The following ANK2 variants were observed in gnomAD, a reference collection of about 807,000 sequenced individuals.
The protein encoded by ANK2 is ankyrin-2.
A neutral mutation model predicts 360.5 loss-of-function variants in ANK2; 83 were observed. The observed-to-expected ratio is 0.23, with a 90% CI of 0.19 to 0.28. ANK2 has a LOEUF of 0.28. Ranked by LOEUF, ANK2 falls within the 10% of genes least tolerant of loss-of-function variation. The pLI is 1.00. For synonymous variants in ANK2, 1,740 were observed against 1,759.5 expected (o/e 0.99, Z 0.28); for missense variants, 4,201 against 4,795.7 (o/e 0.88, Z 3.66).
At chr4:113,190,279 G>A (rs374791133) in intron 2 of ANK2, among the ~76,000 whole-genome samples, 2 of 151,960 alleles carry the variant, frequency 1.3e-5, no homozygotes, top group African/African-American at 4.8e-5. Context: ...TAATTTTTTA[G>A]TTTTCATTTT....
chr4:112,830,065 G>C (rs564038383), intron 1 of ANK2, among the ~76,000 whole-genome samples: 1 of 152,328 alleles, frequency 6.6e-6, no homozygotes, highest in South Asian at 2.1e-4. Context: ...ATGTAAACTA[G>C]GTCAGCCACT....
chr4:113,042,238 C>T (rs2063138802), intron 2 of ANK2, among the ~76,000 whole-genome samples: 1 of 152,090 alleles, frequency 6.6e-6, no homozygotes, highest in Non-Finnish European at 1.5e-5. Flanking sequence ...GTTTCCAGTT[C>T]TAGGCCTTCA....
At chr4:112,965,026 G>T (rs2036640904) in intron 2 of ANK2, among the ~76,000 whole-genome samples, 1 of 152,166 alleles carries the variant, frequency 6.6e-6, no homozygotes, top group African/African-American at 2.4e-5. Flanking sequence ...CAGCAGTGGG[G>T]TTGCTGGATC....
At chr4:112,959,823 G>C (rs1175996038) in intron 2 of ANK2, among the ~76,000 whole-genome samples, 1 of 152,180 alleles carries the variant, frequency 6.6e-6, no homozygotes, top group African/African-American at 2.4e-5. Context: ...CCAGACACTT[G>C]TTGGGCCCAT....
the ANK2 span, among the ~76,000 whole-genome samples, chr4:112,738,208 G>A: frequency 1.3e-5 from 2 of 152,022 alleles, no homozygotes; most frequent in Non-Finnish European, 2.9e-5. Context: ...TCAGGAGTTC[G>A]AGACCAGCCT....
At chr4:113,076,250 A>G (rs550895459) in intron 1 of ANK2, among the ~76,000 whole-genome samples, 2 of 152,348 alleles carry the variant, frequency 1.3e-5, no homozygotes, top group East Asian at 3.9e-4. Flanking sequence ...ACAGTTTACA[A>G]AATTGTGTTG....
At chr4:112,740,617 T>C in the ANK2 span, among the ~76,000 whole-genome samples, 1 of 151,858 alleles carries the variant, frequency 6.6e-6, no homozygotes, top group Non-Finnish European at 1.5e-5. Flanking sequence ...GGCAGGAGAA[T>C]TGCTTGAACC....
chr4:112,791,373 C>G, the ANK2 span, among the ~76,000 whole-genome samples: 34 of 151,616 alleles, frequency 2.2e-4, no homozygotes, highest in African/African-American at 8.0e-4. Context: ...GGTACATATT[C>G]GTAAAAAGGT....
intron 1 of ANK2, among the ~76,000 whole-genome samples, chr4:113,076,815 A>C (rs576082610): frequency 1.5e-4 from 22 of 151,126 alleles, no homozygotes; most frequent in African/African-American, 4.9e-4. Context: ...AAAAAAAAAA[A>C]CTGAAAAAAT....
At chr4:113,370,029 G>C (rs1348281954) in intron 43 of ANK2, among the ~76,000 whole-genome samples, 1 of 152,188 alleles carries the variant, frequency 6.6e-6, no homozygotes, top group Non-Finnish European at 1.5e-5. Context: ...CATGAGCCCT[G>C]ATCTTATCAT....
At position 113,339,260 on chromosome 4, in the gene ANK2, A is replaced by G. The variant is rs753809597; in HGVS notation, c.3831A>G (p.Thr1277=). 5 of 1,613,906 alleles carry G rather than the reference A, an allele frequency of 3.1e-6. No homozygotes were observed. In the African/African-American group the frequency reaches 6.7e-5, roughly 22 times the overall value. ...GTTPAQWEDI[T]GTTPLTFVNE... ...CCCCTGCCCAGTGGGAAGATATTAC[A>G]GGAACTACGCCATTAACATTTGTCA... The change falls in exon 32 of 46, where the codon ACA becomes ACG. Residue 1277 remains threonine, a synonymous_variant. Coordinates refer to ENST00000357077, the MANE Select transcript of ANK2 (RefSeq NM_001148.6).
At position 113,021,528 on chromosome 4, in the gene ANK2, A is replaced by ACCCCCC. The variant is rs1203653406; in HGVS notation, c.21+117017_21+117018insCCCCCC. Among the ~76,000 whole-genome samples the ACCCCCC allele has an allele frequency of 4.3e-3, 274 of 63,148 alleles. 2 individuals are homozygous for ACCCCCC. Among genetic ancestry groups the ACCCCCC allele is most frequent in the African/African-American group, 0.017 (266 of 15,696 alleles). 41.4% of individuals were successfully genotyped at this position (63,148 alleles called of 152,430 possible). A position where few individuals can be genotyped will look rare whatever the true frequency, so the allele number is the denominator to read the frequency against. ...ATTATGTGTATATATACACACACAC[A>ACCCCCC]CCCACACACAAACATATATATATAT... On this transcript the variant is annotated intron_variant, in intron 2 of 30. Coordinates refer to the ANK2 transcript ENST00000503271.
At chr4:112,730,636 C>CAAAAAAAAAAAAAAAA in the ANK2 span, among the ~76,000 whole-genome samples, 6 of 57,928 alleles carry the variant, frequency 1.0e-4, no homozygotes, top group Non-Finnish European at 1.8e-4. Flanking sequence ...GACTCCATCT[C>CAAAAAAAAAAAAAAAA]AAAAAAAAAA....
At chr4:112,879,139 A>T (rs1320638841) in intron 1 of ANK2, among the ~76,000 whole-genome samples, 11 of 152,200 alleles carry the variant, frequency 7.2e-5, no homozygotes, top group Admixed American at 7.2e-4. Flanking sequence ...AAAACAAAAA[A>T]CTAGGGATGG....
At chr4:112,999,803 T>C (rs1282546846) in intron 2 of ANK2, among the ~76,000 whole-genome samples, 3 of 152,182 alleles carry the variant, frequency 2.0e-5, no homozygotes, top group Admixed American at 1.3e-4. Flanking sequence ...GCAAGCATCA[T>C]TAGAAAGTTA....
intron 1 of ANK2, among the ~76,000 whole-genome samples, chr4:112,824,784 G>A (rs754906524): frequency 2.2e-4 from 34 of 152,142 alleles, no homozygotes; most frequent in Non-Finnish European, 4.7e-4. Context: ...TTATAGGTGT[G>A]AGCCACTGCA....
chr4:113,226,698 G>C (rs2099227224), intron 4 of ANK2, among the ~76,000 whole-genome samples: 1 of 152,018 alleles, frequency 6.6e-6, no homozygotes, highest in Non-Finnish European at 1.5e-5. Context: ...ATGCCTAGCA[G>C]TGAAAAGTCA....
chr4:113,291,562 C>T (rs554552450), intron 20 of ANK2, among the ~76,000 whole-genome samples: 3 of 152,082 alleles, frequency 2.0e-5, no homozygotes, highest in Non-Finnish European at 4.4e-5. Flanking sequence ...CTATAGTAGA[C>T]AGAACAAGCA....
the ANK2 span, among the ~76,000 whole-genome samples, chr4:112,713,312 C>A: frequency 6.6e-6 from 1 of 151,916 alleles, no homozygotes; most frequent in African/African-American, 2.4e-5. Context: ...AATGAAGTTG[C>A]TATATAAAAC....
Sources: gnomAD v4.1 joint callset for allele counts (sites outside exome capture counted in the v4.1 genomes callset) on GRCh38, gnomAD v4.1.1 for gene constraint, MANE v1.5 for transcripts, NCBI Gene and HGNC (gene_info 2026-07-23, HGNC 2026-07-21) for gene names.